Variants in GPC4 observed in about 807,000 individuals in gnomAD.
The protein encoded by GPC4 is glypican-4.
GPC4 carries 10 observed loss-of-function variants against 35.0 expected under a neutral mutation model. The ratio of observed to expected loss-of-function variants is 0.29; its 90% CI spans 0.18 to 0.48. The LOEUF is 0.48. GPC4 is among the 20% of genes least tolerant of loss of function. The pLI is 0.99. For missense variants in GPC4, 322 were observed against 451.3 expected (o/e 0.71, Z 2.60); for synonymous variants, 167 against 170.2 (o/e 0.98, Z 0.15).
intron 1 of GPC4, among the ~76,000 whole-genome samples, chrX:133,363,864 C>G (rs887510182): frequency 9.9e-5 from 11 of 111,555 alleles, no homozygotes; most frequent in African/African-American, 3.3e-4. Context: ...CAGCCCTGGG[C>G]AAGCATAATC....
chrX:133,335,876 C>T (rs2068440898), intron 2 of GPC4, among the ~76,000 whole-genome samples: 1 of 111,991 alleles, frequency 8.9e-6, no homozygotes, highest in African/African-American at 3.2e-5. Context: ...GTCAAGGTCA[C>T]CACTTTGAAT....
intron 1 of GPC4, among the ~76,000 whole-genome samples, chrX:133,403,036 C>T (rs1423166607): frequency 9.0e-6 from 1 of 111,239 alleles, no homozygotes; most frequent in African/African-American, 3.3e-5. Context: ...AAACAAACCA[C>T]ATGAAATACT....
rs770984367 is a variant in GPC4, at chrX:133,324,275, G to A, written c.581C>T (p.Thr194Met). The A allele has an allele frequency of 9.7e-5, 117 of 1,209,661 alleles. 1 individual carries two copies. In the South Asian group the frequency reaches 1.8e-3, roughly 18 times the overall value. The change falls in exon 3 of 9, where the codon ACG becomes ATG. Residue 194 changes from threonine (T) to methionine (M), a missense_variant. By Grantham distance (81) the Thr-to-Met change is moderately conservative. Coordinates refer to ENST00000370828, the MANE Select transcript of GPC4 (RefSeq NM_001448.3). ...DEYLECVSKY[T>M]EQLKPFGDVP... ...ATCTCCGAAGGGCTTCAGCTGCTCC[G>A]TATACTTGCTCACACATTCCAGATA...
chrX:133,313,650 G>T (rs2068325605), intron 3 of GPC4, among the ~76,000 whole-genome samples: 1 of 111,630 alleles, frequency 9.0e-6, no homozygotes, highest in South Asian at 3.8e-4. Flanking sequence ...GAGTTGGAAG[G>T]GACCAGAGAG....
intron 1 of GPC4, among the ~76,000 whole-genome samples, chrX:133,365,382 C>G (rs764529540): frequency 2.7e-5 from 3 of 111,981 alleles, no homozygotes; most frequent in Non-Finnish European, 5.6e-5. Flanking sequence ...ACATCAGGTA[C>G]AGTGCAAAAT....
chrX:133,336,759 A>T (rs2068445854), intron 2 of GPC4, among the ~76,000 whole-genome samples: 1 of 110,532 alleles, frequency 9.0e-6, no homozygotes, highest in Non-Finnish European at 1.9e-5. Context: ...TTAAAAAAAA[A>T]CCTTGTATCT....
At chrX:133,377,072 T>C (rs1160825269) in intron 1 of GPC4, among the ~76,000 whole-genome samples, 5 of 112,136 alleles carry the variant, frequency 4.5e-5, no homozygotes, top group Non-Finnish European at 9.4e-5. Context: ...AAGGTGCTAG[T>C]TTCTTTACTA....
chrX:133,378,862 T>A (rs1378156979), intron 1 of GPC4, among the ~76,000 whole-genome samples: 5 of 111,718 alleles, frequency 4.5e-5, no homozygotes, highest in African/African-American at 1.6e-4. Flanking sequence ...CCCTGCAGCA[T>A]GCTTCTGTTG....
At chrX:133,313,432 T>G (rs1221700932) in intron 3 of GPC4, among the ~76,000 whole-genome samples, 1 of 112,926 alleles carries the variant, frequency 8.9e-6, no homozygotes, top group African/African-American at 3.2e-5. Flanking sequence ...AACTATGTAT[T>G]AATGTACAGT....
chrX:133,383,307 T>C (rs893031993), intron 1 of GPC4, among the ~76,000 whole-genome samples: 23 of 111,329 alleles, frequency 2.1e-4, no homozygotes, highest in African/African-American at 7.2e-4. Flanking sequence ...GGCTACGTAC[T>C]GTTTCCAACT....
chrX:133,378,626 A>G (rs896590835), intron 1 of GPC4, among the ~76,000 whole-genome samples: 17 of 107,594 alleles, frequency 1.6e-4, no homozygotes, highest in Non-Finnish European at 2.9e-4. Flanking sequence ...CTTAACCATC[A>G]CTCCCTAAAT....
chrX:133,331,548 G>C (rs1410068998), intron 2 of GPC4, among the ~76,000 whole-genome samples: 1 of 111,614 alleles, frequency 9.0e-6, no homozygotes, highest in African/African-American at 3.3e-5. Flanking sequence ...AAGGTGGGCA[G>C]ATCACCTGAG....
chrX:133,365,924 C>T (rs1036099253), intron 1 of GPC4, among the ~76,000 whole-genome samples: 4 of 112,195 alleles, frequency 3.6e-5, no homozygotes, highest in Non-Finnish European at 5.6e-5. Context: ...TGTTAGGTTA[C>T]AGGGCACATT....
chrX:133,305,949 G>C (rs763408955), intron 5 of GPC4, 31 bp from the exon 6 acceptor site: 2 of 1,208,446 alleles, frequency 1.7e-6, no homozygotes, highest in African/African-American at 1.8e-5. Context: ...TCATGTTAGG[G>C]AAGTCACTCC....
In GPC4 at chrX:133,304,720, C is replaced by T. The variant is rs1198806440; in HGVS notation, c.1292+5G>A. On this transcript the variant is annotated splice_donor_5th_base_variant and intron_variant, in intron 7 of 8. Transcript: ENST00000370828. ...AAACTTCAAATTCATTCAACAGACACTAACCTGCTTTTGCCTTTCCCATTC... is the reference window on the plus strand; with the variant it reads ...AAACTTCAAATTCATTCAACAGACATTAACCTGCTTTTGCCTTTCCCATTC... 8.3e-7 allele frequency: 1 copy of T among 1,211,496 alleles called. No homozygotes were observed.
At chrX:133,344,471 C>T (rs1248165098) in intron 1 of GPC4, among the ~76,000 whole-genome samples, 3 of 109,020 alleles carry the variant, frequency 2.8e-5, no homozygotes, top group African/African-American at 6.6e-5. Flanking sequence ...GTAATCTGCC[C>T]GCCTCAGCCT....
At chrX:133,405,952 T>C (rs1354609458) in intron 1 of GPC4, among the ~76,000 whole-genome samples, 1 of 112,102 alleles carries the variant, frequency 8.9e-6, no homozygotes, top group African/African-American at 3.2e-5. Context: ...GCTGTTTCCA[T>C]CATTTGGCTT....
At chrX:133,357,381 C>CAA (rs1416254763) in intron 1 of GPC4, among the ~76,000 whole-genome samples, 6 of 80,169 alleles carry the variant, frequency 7.5e-5, no homozygotes, top group African/African-American at 2.8e-4. Flanking sequence ...AAGACTCTCT[C>CAA]AAAAAAAAAA....
chrX:133,333,698 G>A (rs1226959067), intron 2 of GPC4, among the ~76,000 whole-genome samples: 1 of 112,779 alleles, frequency 8.9e-6, no homozygotes, highest in East Asian at 2.8e-4. Context: ...GGCATAATCT[G>A]GAAGAAACAC....
Sources: allele counts gnomAD v4.1 joint callset (sites outside exome capture counted in the v4.1 genomes callset), GRCh38; gene constraint gnomAD v4.1.1; transcripts MANE v1.5; gene names NCBI Gene and HGNC (gene_info 2026-07-23, HGNC 2026-07-21).